Variants in PIK3R3 observed in about 807,000 individuals in gnomAD.
PIK3R3 encodes phosphoinositide-3-kinase regulatory subunit 3.
In PIK3R3, 64 loss-of-function variants were observed where a neutral mutation model predicts 62.9. The ratio of observed to expected loss-of-function variants is 1.02; its 90% CI spans 0.83 to 1.25. PIK3R3 has a LOEUF of 1.25. Among genes scored for constraint, PIK3R3 ranks in the 50% most tolerant of loss-of-function variants. The pLI is 0.00. For missense variants in PIK3R3, 614 were observed against 561.6 expected (o/e 1.09, Z -0.94); for synonymous variants, 165 against 189.0 (o/e 0.87, Z 1.04).
chr1:46,130,521 C>T (rs1037320608), intron 1 of PIK3R3, among the ~76,000 whole-genome samples: 6 of 151,190 alleles, frequency 4.0e-5, no homozygotes, highest in African/African-American at 1.5e-4. Flanking sequence ...AAGGTTTATT[C>T]AATACTAGTT....
intron 1 of PIK3R3, among the ~76,000 whole-genome samples, chr1:46,113,806 G>A (rs909030331): frequency 9.2e-5 from 14 of 152,238 alleles, no homozygotes; most frequent in African/African-American, 3.1e-4. Context: ...TGAAGATCCA[G>A]CAACTAATTA....
At chr1:46,172,214 TC>T in the PIK3R3 span, among the ~76,000 whole-genome samples, 2 of 152,082 alleles carry the variant, frequency 1.3e-5, no homozygotes, top group African/African-American at 4.8e-5. Context: ...CCTGGGCTGC[TC>T]CCCAGGCACT....
At chr1:46,084,945 T>C (rs191208961) in intron 1 of PIK3R3, among the ~76,000 whole-genome samples, 106 of 152,306 alleles carry the variant, frequency 7.0e-4, no homozygotes, top group Admixed American at 2.4e-3. Flanking sequence ...AACGGTGTTA[T>C]GGAGACTTTT....
In PIK3R3 at chr1:46,043,801, T is replaced by C. The variant is rs1258531788; in HGVS notation, c.1258A>G (p.Asn420Asp). 1.9e-6 allele frequency: 3 copies of C among 1,614,040 alleles called. No homozygotes were observed. Among genetic ancestry groups the C allele is most frequent in the Admixed American group, 3.3e-5 (2 of 60,002 alleles). The change falls in exon 10 of 10, where the codon AAC becomes GAC. Residue 420 changes from asparagine to aspartate, a missense_variant. Physicochemically the swap from Asn to Asp is conservative, Grantham distance 23. Coordinates refer to ENST00000262741, the MANE Select transcript of PIK3R3 (RefSeq NM_003629.4). ...AGCTCCTTCAGAGAGCTGTACAGGT[T>C]GTAGGGCTCTGCAAAGCCATAGCCC... The part of the protein sequence containing the change: ...ARGYGFAEPY[N>D]LYSSLKELVL...
intron 6 of PIK3R3, among the ~76,000 whole-genome samples, chr1:46,061,320 C>T (rs1206846734): frequency 1.3e-5 from 2 of 152,210 alleles, no homozygotes; most frequent in African/African-American, 4.8e-5. Flanking sequence ...CCTCCCGCTT[C>T]TTTTCTGCTA....
At chr1:46,072,633 T>G (rs1235146316) in intron 3 of PIK3R3, among the ~76,000 whole-genome samples, 1 of 152,158 alleles carries the variant, frequency 6.6e-6, no homozygotes, top group East Asian at 1.9e-4. Context: ...TCCAGATAAA[T>G]AAGAAGCATA....
At chr1:46,101,646 G>T (rs1652689085) in intron 1 of PIK3R3, among the ~76,000 whole-genome samples, 1 of 152,146 alleles carries the variant, frequency 6.6e-6, no homozygotes, top group Non-Finnish European at 1.5e-5. Context: ...CCGCAATATG[G>T]ATGAACACCA....
In PIK3R3 at chr1:46,043,219, C is replaced by A. The variant is rs535415709; in HGVS notation, c.*454G>T. 2 of 233,332 alleles carry A rather than the reference C, an allele frequency of 8.6e-6. No homozygotes were observed. Among genetic ancestry groups the A allele is most frequent in the African/African-American group, 4.4e-5 (2 of 45,394 alleles). 14.5% of individuals were successfully genotyped at this position (233,332 alleles called of 1,614,324 possible). A position where few individuals can be genotyped will look rare whatever the true frequency, so the allele number is the denominator to read the frequency against. Reference sequence around the variant, plus strand: ...ATCCCATTCTATCACAAAACCTAAACAGCCTTCTTCGTGGGGGGAAGAGAG... The same window carrying A: ...ATCCCATTCTATCACAAAACCTAAAAAGCCTTCTTCGTGGGGGGAAGAGAG... On this transcript the variant is annotated 3_prime_UTR_variant, in exon 10 of 10. Coordinates refer to ENST00000262741, the MANE Select transcript of PIK3R3 (RefSeq NM_003629.4).
chr1:46,113,101 T>C (rs1223683023), intron 1 of PIK3R3, among the ~76,000 whole-genome samples: 1 of 152,200 alleles, frequency 6.6e-6, no homozygotes, highest in African/African-American at 2.4e-5. Context: ...CCAGTTTTCC[T>C]TCTTTAATCT....
chr1:46,156,799 G>A, the PIK3R3 span, among the ~76,000 whole-genome samples: 1 of 152,168 alleles, frequency 6.6e-6, no homozygotes, highest in Non-Finnish European at 1.5e-5. Flanking sequence ...CCAGACCCTG[G>A]AAGCATGATC....
Position 46,045,962 on chromosome 1 carries a change from T to TG in PIK3R3, c.1142_1143insC (p.Leu381PhefsTer4). ...ATCCTTTCTTGCTACTCTCACGAATTAAGAATGCACCATCAGGTTTCCCAT... is the reference window on the plus strand; with the variant it reads ...ATCCTTTCTTGCTACTCTCACGAATTGAAGAATGCACCATCAGGTTTCCCAT... On this transcript the variant is annotated frameshift_variant, in exon 9 of 10. Coordinates refer to ENST00000262741, the MANE Select transcript of PIK3R3 (RefSeq NM_003629.4). LOFTEE classifies it high-confidence loss of function. 6.2e-7 allele frequency: 1 copy of TG among 1,613,704 alleles called. No homozygotes were observed. Among genetic ancestry groups the TG allele is most frequent in the Non-Finnish European group, 8.5e-7 (1 of 1,179,816 alleles).
rs370501368 is a variant in PIK3R3, at chr1:46,045,644, T to TTC, written c.1187+273_1187+274insGA. On this transcript the variant is annotated intron_variant, in intron 9 of 9. Transcript: ENST00000262741. ...TTTTTTTTTTTTTTTTTTTTTTTTT[T>TTC]CAATTTAAGATCTCACATTACCTTT... Among the ~76,000 whole-genome samples, 16 of 82,598 alleles carry TTC rather than the reference T, an allele frequency of 1.9e-4. 1 individual carries two copies. Among genetic ancestry groups the TTC allele is most frequent in the African/African-American group, 6.6e-4 (14 of 21,222 alleles). 54.2% of individuals were successfully genotyped at this position (82,598 alleles called of 152,430 possible).
At chr1:46,081,277 TATAAAC>T (rs1185125237) in intron 1 of PIK3R3, among the ~76,000 whole-genome samples, 1 of 152,198 alleles carries the variant, frequency 6.6e-6, no homozygotes, top group Non-Finnish European at 1.5e-5. Flanking sequence ...TTTCAATGTA[TATAAAC>T]ATAAATATGT....
chr1:46,132,966 G>T, upstream of PIK3R3: 1 of 1,110,810 alleles, frequency 9.0e-7, no homozygotes, highest in Non-Finnish European at 1.1e-6. Context: ...CCGGGAGCAC[G>T]CGAGCCAGGC....
chr1:46,091,530 G>A (rs563928145), intron 1 of PIK3R3, among the ~76,000 whole-genome samples: 2 of 152,146 alleles, frequency 1.3e-5, no homozygotes, highest in Admixed American at 1.3e-4. Context: ...TTTGTGGCCT[G>A]CAAAGCCTAA....
the PIK3R3 span, among the ~76,000 whole-genome samples, chr1:46,165,509 T>A: frequency 6.6e-6 from 1 of 151,704 alleles, no homozygotes; most frequent in Non-Finnish European, 1.5e-5. Flanking sequence ...TTACTCCATG[T>A]TGGTCAGGCT....
chr1:46,049,214 G>A (rs972091893), intron 7 of PIK3R3, among the ~76,000 whole-genome samples: 1 of 151,506 alleles, frequency 6.6e-6, no homozygotes, highest in Non-Finnish European at 1.5e-5. Context: ...AAAATAGCTG[G>A]TGTTAGCATA....
intron 1 of PIK3R3, among the ~76,000 whole-genome samples, chr1:46,085,878 C>T (rs1651003190): frequency 6.6e-6 from 1 of 152,028 alleles, no homozygotes; most frequent in African/African-American, 2.4e-5. Flanking sequence ...TTTCTCTTTC[C>T]ATTTTTAGAA....
rs76593414 is a variant in PIK3R3 at position 46,083,632 on chromosome 1, T to C, written c.107-2882A>G. On this transcript the variant is annotated intron_variant, in intron 1 of 9. Transcript: ENST00000262741. ...TAAATATGGGGAAAGGATCTGAATA[T>C]ATATTTCTCCAAAAGACAAACAAGT... Among the ~76,000 whole-genome samples, 1,423 of 152,298 alleles carry C rather than the reference T, an allele frequency of 9.3e-3. 11 individuals carry two copies. The highest frequency in any genetic ancestry group is 0.015 in the Non-Finnish European group (1,025 of 68,016).
Sources: allele counts gnomAD v4.1 joint callset (sites outside exome capture counted in the v4.1 genomes callset), GRCh38; gene constraint gnomAD v4.1.1; transcripts MANE v1.5; gene names NCBI Gene and HGNC (gene_info 2026-07-23, HGNC 2026-07-21).